RBM6: variants seen among roughly 807,000 people sequenced by gnomAD.
RBM6 encodes RNA binding motif protein 6, also known as RNA-binding protein 6.
In RBM6, 23 loss-of-function variants were observed where a neutral mutation model predicts 140.4. That is an observed-to-expected ratio of 0.16 (90% CI 0.12 to 0.23). The LOEUF (loss-of-function observed/expected upper bound fraction) is 0.23. Ranked by LOEUF, RBM6 falls within the 10% of genes least tolerant of loss-of-function variation. RBM6 has a pLI of 1.00. For synonymous variants in RBM6, 439 were observed against 475.6 expected (o/e 0.92, Z 1.00); for missense variants, 1,139 against 1,386.7 (o/e 0.82, Z 2.84).
chr3:49,943,194 G>A (rs1425196860), intron 1 of RBM6, among the ~76,000 whole-genome samples: 3 of 152,126 alleles, frequency 2.0e-5, no homozygotes, highest in Admixed American at 2.0e-4. Context: ...AAATAATGAT[G>A]CTGTGATCAT....
intron 6 of RBM6, among the ~76,000 whole-genome samples, chr3:50,003,158 A>T (rs1489529516): frequency 6.6e-6 from 1 of 151,904 alleles, no homozygotes; most frequent in Non-Finnish European, 1.5e-5. Context: ...AAATAAAATA[A>T]ATATTTGTGG....
chr3:50,070,411 C>A, intron 18 of RBM6, 44 bp from the exon 19 acceptor site: 1 of 1,388,682 alleles, frequency 7.2e-7, no homozygotes, highest in South Asian at 1.2e-5. Context: ...CTCCCCAATT[C>A]CCTCAGGTGG....
rs577534856 is a variant in RBM6 at position 49,959,446 on chromosome 3, G to A, written c.-66-3130G>A. ...AATCTCCTGACCTTGTGATCCGCCC[G>A]CCTCGGCCTCCCAAAGTGCTGGGAT... On this transcript the variant is annotated intron_variant, in intron 1 of 20. Coordinates refer to ENST00000266022, the MANE Select transcript of RBM6 (RefSeq NM_005777.3). Among the ~76,000 whole-genome samples, 20 of 143,940 alleles carry A rather than the reference G, an allele frequency of 1.4e-4. No individual in the cohort carries two copies. The East Asian group carries it at 4.1e-3, about 30-fold the overall frequency. The allele number at this position is 143,940 out of a possible 152,430, so 94.4% of individuals were successfully genotyped here. A position where few individuals can be genotyped will look rare whatever the true frequency, so the allele number is the denominator to read the frequency against.
intron 6 of RBM6, among the ~76,000 whole-genome samples, chr3:50,026,121 G>A (rs377657115): frequency 2.8e-4 from 43 of 151,344 alleles, no homozygotes; most frequent in African/African-American, 8.5e-4. Flanking sequence ...GAATCTCGCC[G>A]TCTTCCAGGC....
At chr3:50,009,445 CT>C (rs1311345129) in intron 6 of RBM6, among the ~76,000 whole-genome samples, 1 of 152,198 alleles carries the variant, frequency 6.6e-6, no homozygotes, top group Non-Finnish European at 1.5e-5. Context: ...TTATGTCCCC[CT>C]CTCCACAGGT....
chr3:49,962,973 G>C (rs2084349873), intron 2 of RBM6: 1 of 224,754 alleles, frequency 4.4e-6, no homozygotes, highest in South Asian at 7.5e-5. Context: ...GGTGGCGGCT[G>C]CCTGTAGTCC....
rs79562709 is a variant in RBM6, at chr3:49,980,316, T to C, written c.1483+4924T>C. On this transcript the variant is annotated intron_variant, in intron 5 of 20. Coordinates refer to ENST00000266022, the MANE Select transcript of RBM6 (RefSeq NM_005777.3). ...CACCATGCCCGGCTGAGAGTATCTT[T>C]ATTCTTAGAAAATACATAATGAAGT... 3.6e-3 allele frequency among the ~76,000 whole-genome samples: 554 copies of C among 152,198 alleles called. 3 individuals are homozygous for C. Among genetic ancestry groups the C allele is most frequent in the African/African-American group, 0.013 (535 of 41,536 alleles).
intron 1 of RBM6, among the ~76,000 whole-genome samples, chr3:49,948,913 CTCT>C (rs902273482): frequency 6.8e-6 from 1 of 146,810 alleles, no homozygotes; most frequent in African/African-American, 2.5e-5. Context: ...TCACTGCAAC[CTCT>C]GCCTCCTGGG....
intron 6 of RBM6, among the ~76,000 whole-genome samples, chr3:50,036,560 G>A (rs1053620774): frequency 1.3e-5 from 2 of 151,420 alleles, no homozygotes; most frequent in Non-Finnish European, 2.9e-5. Flanking sequence ...CCATTATATT[G>A]TAGCAGCCAT....
chr3:50,041,426 C>T (rs1311713286), intron 6 of RBM6, among the ~76,000 whole-genome samples: 1 of 152,200 alleles, frequency 6.6e-6, no homozygotes, highest in Non-Finnish European at 1.5e-5. Context: ...TCTCCTCCTT[C>T]CCTCTTCTAT....
chr3:49,940,959 T>C (rs1452224319), intron 1 of RBM6: 3 of 148,068 alleles, frequency 2.0e-5, no homozygotes, highest in Non-Finnish European at 4.5e-5. Context: ...AGCGTAATTG[T>C]ATTTTTTGCA....
At chr3:49,962,280 A>G (rs1361836429) in intron 1 of RBM6, among the ~76,000 whole-genome samples, 2 of 149,976 alleles carry the variant, frequency 1.3e-5, no homozygotes, top group Non-Finnish European at 3.0e-5. Context: ...TCTACTAAAA[A>G]TACAAAAAAT....
At chr3:50,000,699 A>G (rs963359565) in intron 6 of RBM6, among the ~76,000 whole-genome samples, 7 of 152,154 alleles carry the variant, frequency 4.6e-5, no homozygotes, top group African/African-American at 1.7e-4. Context: ...GATTACAGGC[A>G]TGAGCCACCG....
intron 8 of RBM6, among the ~76,000 whole-genome samples, chr3:50,056,194 T>C (rs192366889): frequency 2.0e-5 from 3 of 152,322 alleles, no homozygotes; most frequent in African/African-American, 7.2e-5. Flanking sequence ...GATTTTTGCT[T>C]GTTAGGTCAC....
intron 6 of RBM6, among the ~76,000 whole-genome samples, chr3:50,034,077 G>A (rs1241299754): frequency 7.4e-6 from 1 of 134,996 alleles, no homozygotes; most frequent in Non-Finnish European, 1.6e-5. Flanking sequence ...CTTTTTATTT[G>A]TTTCTATACT....
intron 6 of RBM6, among the ~76,000 whole-genome samples, chr3:50,005,019 A>G (rs1016954132): frequency 6.6e-6 from 1 of 152,178 alleles, no homozygotes; most frequent in African/African-American, 2.4e-5. Context: ...TCCTTTAAAC[A>G]TTGACTTTTT....
At position 50,061,230 on chromosome 3, in the gene RBM6, C is replaced by T; in HGVS notation, c.2353+9C>T. 3.7e-6 allele frequency: 6 copies of T among 1,613,726 alleles called. No individual in the cohort carries two copies. The highest frequency in any genetic ancestry group is 5.1e-6 in the Non-Finnish European group (6 of 1,179,856). ...TCGACAAGGACAACAGTGTAAGTAA[C>T]CTTTGTTTTATTTCTGTTGCTCTTT... On this transcript the variant is annotated intron_variant, in intron 13 of 20. Coordinates refer to ENST00000266022, the MANE Select transcript of RBM6 (RefSeq NM_005777.3).
In RBM6 at chr3:50,068,722, G is replaced by A. The variant is rs139899591; in HGVS notation, c.2976G>A (p.Gln992=). The A allele has an allele frequency of 4.3e-5, 69 of 1,614,150 alleles. 1 individual carries two copies. In the Middle Eastern group the frequency reaches 6.6e-4, roughly 15 times the overall value. Residue 992 remains glutamine (Q), a synonymous_variant, in exon 18 of 21, where the codon CAG becomes CAA. Coordinates refer to ENST00000266022, the MANE Select transcript of RBM6 (RefSeq NM_005777.3). The stretch of plus-strand genomic sequence containing the variant: ...TGGAAATCCACCGGAAGATAAAACA[G>A]TCTGAGCAGGAGCTAGCCTATCTGG... ...QNLEIHRKIK[Q]SEQELAYLER...
chr3:49,962,802 A>T (rs1381551673), intron 2 of RBM6, 117 bp downstream of exon 2: 2 of 1,175,534 alleles, frequency 1.7e-6, no homozygotes, highest in Non-Finnish European at 2.3e-6. Flanking sequence ...CTGATTTTTT[A>T]AAAATAGAAA....
Sources: gnomAD v4.1 joint callset for allele counts (sites outside exome capture counted in the v4.1 genomes callset) on GRCh38, gnomAD v4.1.1 for gene constraint, MANE v1.5 for transcripts, NCBI Gene and HGNC (gene_info 2026-07-23, HGNC 2026-07-21) for gene names.